Variants in SPATA6L observed in about 807,000 individuals in gnomAD.
SPATA6L encodes the protein spermatogenesis associated 6-like protein.
SPATA6L carries 68 observed loss-of-function variants against 49.2 expected under a neutral mutation model. The observed-to-expected ratio is 1.38, with a 90% CI of 1.14 to 1.69. SPATA6L has a LOEUF of 1.69. SPATA6L is among the 40% of genes most tolerant of loss of function. The pLI, the probability that SPATA6L is intolerant of heterozygous loss-of-function variation, is 0.00. For missense variants in SPATA6L, 668 were observed against 464.3 expected (o/e 1.44, Z -4.03); for synonymous variants, 198 against 165.7 (o/e 1.19, Z -1.50).
At chr9:4,605,588 C>G in intron 9 of SPATA6L, 148 bp from the exon 10 acceptor site, 1 of 590,462 alleles carries the variant, frequency 1.7e-6, no homozygotes, top group East Asian at 2.8e-5. Flanking sequence ...ATTTCAATGT[C>G]TTTCTTAAAC....
At chr9:4,591,982 T>G (rs1176021826) in intron 13 of SPATA6L, among the ~76,000 whole-genome samples, 1 of 152,068 alleles carries the variant, frequency 6.6e-6, no homozygotes, top group African/African-American at 2.4e-5. Flanking sequence ...CCAGGATGAG[T>G]GCCCAAGCAA....
rs1311805859 is a variant in SPATA6L at position 4,629,769 on chromosome 9, G to GTGTGTGTGTATATA, written c.352-602_352-601insTATATACACACACA. 2.9e-3 allele frequency among the ~76,000 whole-genome samples: 297 copies of GTGTGTGTGTATATA among 101,912 alleles called. 10 individuals are homozygous for GTGTGTGTGTATATA. The East Asian group carries it at 0.067, about 23-fold the overall frequency. 66.9% of individuals were successfully genotyped at this position (101,912 alleles called of 152,430 possible). On this transcript the variant is annotated intron_variant, in intron 4 of 11. Coordinates refer to ENST00000682582, the MANE Select transcript of SPATA6L (RefSeq NM_001353486.2). ...GTGTTTTATATATGTGTGTGTGTGT[G>GTGTGTGTGTATATA]TATATATATATATATATATATATAT...
intron 11 of SPATA6L, among the ~76,000 whole-genome samples, chr9:4,601,373 T>TTTTTTTGTTTGG (rs1823216743): frequency 6.6e-6 from 1 of 151,512 alleles, no homozygotes; most frequent in Admixed American, 6.6e-5. Context: ...GGGAGGTTTT[T>TTTTTTTGTTTGG]TTTTTTGTTT....
intron 13 of SPATA6L, among the ~76,000 whole-genome samples, chr9:4,591,201 T>A (rs1586889440): frequency 6.6e-6 from 1 of 152,216 alleles, no homozygotes; most frequent in African/African-American, 2.4e-5. Context: ...TGTATGAGCA[T>A]GCCTTCACAA....
At chr9:4,636,380 T>C (rs1165002326) in intron 3 of SPATA6L, among the ~76,000 whole-genome samples, 1 of 152,228 alleles carries the variant, frequency 6.6e-6, no homozygotes, top group African/African-American at 2.4e-5. Context: ...TTATATTAAC[T>C]ACAAATATTT....
At position 4,599,531 on chromosome 9, in the gene SPATA6L, G is replaced by A. The variant is rs960703068; in HGVS notation, c.*1280C>T. Among the ~76,000 whole-genome samples the A allele has an allele frequency of 6.6e-6, 1 of 152,198 alleles. No homozygotes were observed. The highest frequency in any genetic ancestry group is 2.4e-5 in the African/African-American group (1 of 41,444). On this transcript the variant is annotated 3_prime_UTR_variant, in exon 12 of 12. Coordinates refer to ENST00000682582, the MANE Select transcript of SPATA6L (RefSeq NM_001353486.2). ...TCTATTCAGGCTGCTATAACAAAAT[G>A]TCATAAACTGGGTAGCTTACAAACT...
At chr9:4,656,131 T>C in intron 2 of SPATA6L, 42 bp from the exon 3 acceptor site, 2 of 1,549,218 alleles carry the variant, frequency 1.3e-6, no homozygotes, top group Non-Finnish European at 1.8e-6. Flanking sequence ...AAAGTTGTAT[T>C]AATAAGCGCA....
At chr9:4,616,354 G>A (rs900202083) in intron 9 of SPATA6L, among the ~76,000 whole-genome samples, 4 of 152,188 alleles carry the variant, frequency 2.6e-5, no homozygotes, top group Non-Finnish European at 4.4e-5. Context: ...AGAGACACAT[G>A]AGCGCTAGAG....
chr9:4,645,589 T>C (rs1307064390), intron 3 of SPATA6L, among the ~76,000 whole-genome samples: 2 of 152,194 alleles, frequency 1.3e-5, no homozygotes, highest in African/African-American at 2.4e-5. Flanking sequence ...CATTAATCCA[T>C]GAATAGATTA....
intron 2 of SPATA6L, among the ~76,000 whole-genome samples, chr9:4,660,018 C>T (rs1839236624): frequency 6.6e-6 from 1 of 152,200 alleles, no homozygotes; most frequent in Non-Finnish European, 1.5e-5. Flanking sequence ...ACACCTTATA[C>T]AAAAATTAAT....
In SPATA6L at chr9:4,600,174, CAGAA is replaced by C. The variant is rs1822865280; in HGVS notation, c.*633_*636del. Among the ~76,000 whole-genome samples the C allele has an allele frequency of 6.6e-6, 1 of 152,144 alleles. No individual in the cohort carries two copies. Among genetic ancestry groups the C allele is most frequent in the African/African-American group, 2.4e-5 (1 of 41,420 alleles). On this transcript the variant is annotated 3_prime_UTR_variant, in exon 12 of 12. Transcript: ENST00000682582. ...ATTGCTGGAACGAAGGAGTAGGAAACAGAAGGAGCAGTTTAAACTACGCTCCAGA... is the reference window on the plus strand; with the variant it reads ...ATTGCTGGAACGAAGGAGTAGGAAACGGAGCAGTTTAAACTACGCTCCAGA...
At chr9:4,648,351 C>A (rs929369203) in intron 3 of SPATA6L, among the ~76,000 whole-genome samples, 1 of 152,028 alleles carries the variant, frequency 6.6e-6, no homozygotes, top group Admixed American at 6.6e-5. Context: ...CCTCTAAATT[C>A]TTTTTTTAAA....
chr9:4,617,872 G>A lies in SPATA6L; in HGVS notation c.995+51C>T. 5 of 1,477,882 alleles carry A rather than the reference G, an allele frequency of 3.4e-6. No homozygotes were observed. The Admixed American group carries it at 8.1e-5, about 24-fold the overall frequency. The allele number at this position is 1,477,882 out of a possible 1,614,324, so 91.5% of individuals were successfully genotyped here. A position where few individuals can be genotyped will look rare whatever the true frequency, so the allele number is the denominator to read the frequency against. On this transcript the variant is annotated intron_variant, in intron 9 of 11. Transcript: ENST00000682582. ...GGTGAAATGACCCAGCTTTACCCCT[G>A]CCAGGCCACAATGCACTCGTCAGGC...
chr9:4,639,458 G>C (rs1343361152), intron 3 of SPATA6L, among the ~76,000 whole-genome samples: 5 of 152,188 alleles, frequency 3.3e-5, no homozygotes, highest in African/African-American at 4.8e-5. Context: ...AATAAAAATA[G>C]ACTGAAACAG....
intron 9 of SPATA6L, among the ~76,000 whole-genome samples, chr9:4,606,178 C>G (rs1376908532): frequency 6.6e-6 from 1 of 151,402 alleles, no homozygotes; most frequent in Admixed American, 6.6e-5. Flanking sequence ...ATTGCTAGCA[C>G]AGCAGTCTGA....
At chr9:4,618,806 T>A in intron 8 of SPATA6L, 58 bp downstream of exon 8, 3 of 1,495,762 alleles carry the variant, frequency 2.0e-6, no homozygotes, top group Non-Finnish European at 2.8e-6. Flanking sequence ...AAAAGCACAA[T>A]AATTGACATA....
At chr9:4,597,171 G>T (rs1001860534), downstream of SPATA6L, among the ~76,000 whole-genome samples, 4 of 152,118 alleles carry the variant, frequency 2.6e-5, no homozygotes, top group Admixed American at 6.5e-5. Context: ...CCAGGTACTC[G>T]GAGGGGCGCA....
At chr9:4,598,132 A>C (rs1822456413), downstream of SPATA6L, among the ~76,000 whole-genome samples, 1 of 152,170 alleles carries the variant, frequency 6.6e-6, no homozygotes, top group African/African-American at 2.4e-5. Context: ...ACCACAGAGA[A>C]CTGGCCTCAT....
intron 3 of SPATA6L, among the ~76,000 whole-genome samples, chr9:4,639,718 T>C (rs939127449): frequency 3.3e-5 from 5 of 152,214 alleles, no homozygotes; most frequent in African/African-American, 1.2e-4. Flanking sequence ...ACATCATCAA[T>C]GGCATCAACG....
Sources: gnomAD v4.1 joint callset for allele counts (sites outside exome capture counted in the v4.1 genomes callset) on GRCh38, gnomAD v4.1.1 for gene constraint, MANE v1.5 for transcripts, NCBI Gene and HGNC (gene_info 2026-07-23, HGNC 2026-07-21) for gene names.